RPL13: variants seen among roughly 807,000 people sequenced by gnomAD.
The protein encoded by RPL13 is large ribosomal subunit protein eL13.
Under a neutral mutation model 21.4 loss-of-function variants are expected in RPL13, and 1 was observed. The observed-to-expected ratio is 0.05, with a 90% CI of 0.02 to 0.22. RPL13 has a LOEUF of 0.22. Ranked by LOEUF, RPL13 falls within the 10% of genes least tolerant of loss-of-function variation. The pLI, the probability that RPL13 is intolerant of heterozygous loss-of-function variation, is 1.00. For missense variants in RPL13, 289 were observed against 303.0 expected (o/e 0.95, Z 0.34); for synonymous variants, 143 against 120.5 (o/e 1.19, Z -1.23).
Position 89,561,223 on chromosome 16 carries a change from C to T in RPL13, c.105-4C>T. The T allele has an allele frequency of 1.3e-6, 2 of 1,543,052 alleles. No individual in the cohort carries two copies. The highest frequency in any genetic ancestry group is 1.7e-6 in the Non-Finnish European group (2 of 1,149,174). On this transcript the variant is annotated splice_region_variant and splice_polypyrimidine_tract_variant and intron_variant, in intron 2 of 5. Transcript: ENST00000311528. The stretch of plus-strand genomic sequence containing the variant: ...GTGACCGCCGCTGCGCTTCTCTCCA[C>T]CAGACGTAAGGCCCGGCAAGCCAAG...
chr16:89,561,583 C>T lies in RPL13; in HGVS notation c.252C>T (p.Ala84=), dbSNP rs752100648. Residue 84 remains alanine, a synonymous_variant, in exon 4 of 6, where the codon GCC becomes GCT. Transcript: ENST00000311528. ...TCTCTCTGGTTCTGGGGCAGGTGGC[C>T]GGCATTCACAAGAAGGTGGCCCGGA... ...RGFSLEELRV[A]GIHKKVARTI... 1.2e-5 allele frequency: 19 copies of T among 1,613,256 alleles called. No homozygotes were observed. In the South Asian group the frequency reaches 1.3e-4, roughly 11 times the overall value.
At position 89,563,048 on chromosome 16, in the gene RPL13, T is replaced by C. The variant is rs1029406473; in HGVS notation, c.*6T>C. On this transcript the variant is annotated 3_prime_UTR_variant, in exon 6 of 6. Coordinates refer to ENST00000311528, the MANE Select transcript of RPL13 (RefSeq NM_000977.4). ...ATGTTGAAAAGAAAAAATAAAGCCCTCCTGGGGACTTGGAATCAGTCGGCA... is the reference window on the plus strand; with the variant it reads ...ATGTTGAAAAGAAAAAATAAAGCCCCCCTGGGGACTTGGAATCAGTCGGCA... 2.0e-6 allele frequency: 3 copies of C among 1,498,678 alleles called. No individual in the cohort carries two copies. Among genetic ancestry groups the C allele is most frequent in the Non-Finnish European group, 2.7e-6 (3 of 1,121,342 alleles). 92.8% of individuals were successfully genotyped at this position (1,498,678 alleles called of 1,614,324 possible).
rs752410356 is a variant in RPL13 at position 89,561,069 on chromosome 16, C to T, written c.104+6C>T. On this transcript the variant is annotated splice_donor_region_variant and intron_variant, in intron 2 of 5. Coordinates refer to ENST00000311528, the MANE Select transcript of RPL13 (RefSeq NM_000977.4). Reference sequence around the variant, plus strand: ...CCGGCCCGTAAGATCCGCAGGTGAGCCCTGCGCTCGGGGCTGCCCCTGGGG... The same window carrying T: ...CCGGCCCGTAAGATCCGCAGGTGAGTCCTGCGCTCGGGGCTGCCCCTGGGG... 48 of 1,601,642 alleles carry T rather than the reference C, an allele frequency of 3.0e-5. No homozygotes were observed. The African/African-American group carries it at 4.6e-4, about 15-fold the overall frequency.
At chr16:89,561,874 G>C (rs1390617688) in intron 4 of RPL13, 123 bp downstream of exon 4, 1 of 1,076,890 alleles carries the variant, frequency 9.3e-7, no homozygotes, top group Non-Finnish European at 1.3e-6. Context: ...TGGGTGATGA[G>C]CTAAGCGGGA....
At position 89,564,341 on chromosome 16, in the gene RPL13, G is replaced by C. The variant is rs1429944742; in HGVS notation, c.*1299G>C. Reference sequence around the variant, plus strand: ...CTAGTAGATGACTTGCAGGCTGTTGGCTACCAGTTTCCTGTCTGAGGTGTA... The same window carrying C: ...CTAGTAGATGACTTGCAGGCTGTTGCCTACCAGTTTCCTGTCTGAGGTGTA... On this transcript the variant is annotated 3_prime_UTR_variant, in exon 6 of 6. Transcript: ENST00000311528. 1 of 152,164 alleles carries C rather than the reference G, an allele frequency of 6.6e-6. No homozygotes were observed. Among genetic ancestry groups the C allele is most frequent in the Non-Finnish European group, 1.5e-5 (1 of 68,034 alleles). The allele number at this position is 152,164 out of a possible 1,614,324, so 9.4% of individuals were successfully genotyped here. A position where few individuals can be genotyped will look rare whatever the true frequency, so the allele number is the denominator to read the frequency against.
downstream of RPL13, chr16:89,565,660 C>T (rs569493127): frequency 3.6e-5 from 4 of 110,922 alleles, no homozygotes; most frequent in Admixed American, 3.4e-4. Context: ...GTGGGGCCGT[C>T]CTGACTAGGA....
chr16:89,562,839 G>A (rs1426304817), intron 5 of RPL13, 45 bp from the exon 6 acceptor site: 4 of 1,480,936 alleles, frequency 2.7e-6, no homozygotes, highest in East Asian at 2.6e-5. Flanking sequence ...TTGTTCCCTT[G>A]CCCTTTGGTG....
chr16:89,562,830 T>G, intron 5 of RPL13, 54 bp from the exon 6 acceptor site: 1 of 1,471,304 alleles, frequency 6.8e-7, no homozygotes, highest in Non-Finnish European at 9.0e-7. Context: ...GACGCTTGGT[T>G]GTTCCCTTGC....
intron 3 of RPL13, 77 bp from the exon 4 acceptor site, chr16:89,561,501 T>G (rs772855727): frequency 1.2e-6 from 2 of 1,612,370 alleles, no homozygotes; most frequent in African/African-American, 1.3e-5. Flanking sequence ...TCCATCTGAT[T>G]GCTGAGGCTT....
intron 4 of RPL13, 129 bp from the exon 5 acceptor site, chr16:89,562,206 G>A (rs1053424575): frequency 7.5e-6 from 6 of 802,904 alleles, no homozygotes; most frequent in South Asian, 4.6e-5. Context: ...GCCACAAAGT[G>A]TGTTGTAGAA....
chr16:89,566,541 A>G (rs1271582080), downstream of RPL13: 1 of 152,114 alleles, frequency 6.6e-6, no homozygotes. Context: ...GCTCACGCCT[A>G]TAGTCTCAAA....
chr16:89,561,595 G>A lies in RPL13; in HGVS notation c.264G>A (p.Lys88=), dbSNP rs756818063. The change falls in exon 4 of 6, where the codon AAG becomes AAA. Residue 88 remains lysine (K), a synonymous_variant. Transcript: ENST00000311528. ...LEELRVAGIH[K]KVARTIGISV... is the part of the protein sequence containing the mutation. ...TGGGGCAGGTGGCCGGCATTCACAA[G>A]AAGGTGGCCCGGACCATCGGCATTT... 14 of 1,613,490 alleles carry A rather than the reference G, an allele frequency of 8.7e-6. No individual in the cohort carries two copies. The highest frequency in any genetic ancestry group is 5.0e-5 in the Admixed American group (3 of 60,012).
At chr16:89,561,545 G>A (rs775398146) in intron 3 of RPL13, 33 bp from the exon 4 acceptor site, 1 of 1,613,278 alleles carries the variant, frequency 6.2e-7, no homozygotes, top group East Asian at 2.2e-5. Context: ...GAAAGCCCGG[G>A]CCTGTCTCCA....
chr16:89,565,985 T>C (rs1240094029), downstream of RPL13: 1 of 152,288 alleles, frequency 6.6e-6, no homozygotes, highest in Non-Finnish European at 1.5e-5. Flanking sequence ...GCGCCCAGGC[T>C]CCTCATTCCG....
intron 4 of RPL13, chr16:89,562,021 C>G (rs1313803135): frequency 1.7e-6 from 1 of 589,592 alleles, no homozygotes; most frequent in Non-Finnish European, 3.0e-6. Context: ...TCTAGAAAGA[C>G]CTTGTAGGAT....
chr16:89,561,901 G>T, intron 4 of RPL13, 150 bp downstream of exon 4: 1 of 875,484 alleles, frequency 1.1e-6, no homozygotes, highest in East Asian at 2.7e-5. Context: ...AGGTTCACCT[G>T]TGCGTTTCCG....
intron 3 of RPL13, 22 bp downstream of exon 3, chr16:89,561,390 G>A: frequency 6.2e-7 from 1 of 1,610,994 alleles, no homozygotes; most frequent in Non-Finnish European, 8.5e-7. Flanking sequence ...CAGCGCTGCG[G>A]TGTCAGGAAG....
intron 4 of RPL13, 134 bp from the exon 5 acceptor site, chr16:89,562,201 A>C (rs1373392823): frequency 3.8e-6 from 3 of 788,844 alleles, no homozygotes; most frequent in Non-Finnish European, 6.4e-6. Context: ...TTGGGGCCAC[A>C]AAGTGTGTTG....
rs766927697 is a variant in RPL13 at position 89,561,262 on chromosome 16, C to T, written c.140C>T (p.Ala47Val). Residue 47 changes from alanine (A) to valine (V), a missense_variant, in exon 3 of 6, where the codon GCC (alanine) becomes GTC (valine). Ala to Val is a moderately conservative substitution (Grantham distance 64). Coordinates refer to ENST00000311528, the MANE Select transcript of RPL13 (RefSeq NM_000977.4). ...KARQAKARRIAPRPASGPIRP... is the reference protein window; with the variant it reads ...KARQAKARRIVPRPASGPIRP... ...CGGCAAGCCAAGGCGCGCCGCATCG[C>T]CCCGCGCCCCGCGTCGGGTCCCATC... 22 of 1,553,726 alleles carry T rather than the reference C, an allele frequency of 1.4e-5. No individual in the cohort carries two copies. Among genetic ancestry groups the T allele is most frequent in the Non-Finnish European group, 1.9e-5 (22 of 1,154,724 alleles).
Sources: allele counts gnomAD v4.1 joint callset, GRCh38; gene constraint gnomAD v4.1.1; transcripts MANE v1.5; gene names NCBI Gene and HGNC (gene_info 2026-07-23, HGNC 2026-07-21).